Variants in WDR27 observed in about 807,000 individuals in gnomAD.
The protein encoded by WDR27 is WD repeat domain 27.
Under a neutral mutation model 114.4 loss-of-function variants are expected in WDR27, and 100 were observed. That is an observed-to-expected ratio of 0.87 (90% confidence interval 0.74 to 1.03). The LOEUF (loss-of-function observed/expected upper bound fraction) is 1.03, where lower values mean the gene tolerates loss of function less well. WDR27 is among the 50% of genes least tolerant of loss of function. The probability of loss-of-function intolerance (pLI) is 0.00; values close to 1 mark genes in which losing one functional copy is unlikely to be tolerated. For missense variants in WDR27, 1,129 were observed against 1,092.9 expected (o/e 1.03, Z -0.47); for synonymous variants, 449 against 423.1 (o/e 1.06, Z -0.75).
chr6:169,497,558 A>C (rs1276128919), intron 25 of WDR27, among the ~76,000 whole-genome samples: 1 of 41,818 alleles, frequency 2.4e-5, no homozygotes, highest in Non-Finnish European at 1.3e-4. Context: ...TAAAACTACA[A>C]AAAAAAAAAA....
chr6:169,650,631 ATC>A (rs542775935), intron 14 of WDR27, among the ~76,000 whole-genome samples: 133 of 118,498 alleles, frequency 1.1e-3, no homozygotes, highest in Non-Finnish European at 1.9e-3. Context: ...CCACTCATCC[ATC>A]TCTTATCCCT....
At chr6:169,484,994 TC>T (rs1788696868) in intron 25 of WDR27, among the ~76,000 whole-genome samples, 1 of 152,182 alleles carries the variant, frequency 6.6e-6, no homozygotes, top group African/African-American at 2.4e-5. Context: ...CCGGACCCCT[TC>T]CTTTAGCCAT....
intron 2 of WDR27, among the ~76,000 whole-genome samples, chr6:169,688,614 C>T (rs140632492): frequency 6.6e-5 from 10 of 151,968 alleles, no homozygotes; most frequent in African/African-American, 2.4e-4. Context: ...TTCCAAATCA[C>T]TTGTGTTCTA....
At chr6:169,549,905 G>A (rs1367951660) in intron 25 of WDR27, among the ~76,000 whole-genome samples, 2 of 152,208 alleles carry the variant, frequency 1.3e-5, no homozygotes, top group East Asian at 3.8e-4. Context: ...TCTTAAGGCA[G>A]TGGAACTACA....
intron 25 of WDR27, among the ~76,000 whole-genome samples, chr6:169,470,885 G>T (rs111301614): frequency 0.012 from 1,774 of 152,208 alleles, 39 homozygotes; most frequent in African/African-American, 0.041. Flanking sequence ...GTGGCATTCT[G>T]CTCTCATTCT....
At chr6:169,459,074 A>C (rs1447361361) in intron 25 of WDR27, among the ~76,000 whole-genome samples, 2 of 152,210 alleles carry the variant, frequency 1.3e-5, no homozygotes, top group Non-Finnish European at 2.9e-5. Context: ...AGAAATAGGA[A>C]AGTATGGCCT....
At chr6:169,583,852 G>C (rs576050866) in intron 23 of WDR27, among the ~76,000 whole-genome samples, 1 of 152,170 alleles carries the variant, frequency 6.6e-6, no homozygotes, top group East Asian at 1.9e-4. Flanking sequence ...GAAGATAATA[G>C]TACTAGTTAC....
At chr6:169,528,009 A>AC (rs759894581) in intron 25 of WDR27, among the ~76,000 whole-genome samples, 21 of 152,306 alleles carry the variant, frequency 1.4e-4, no homozygotes, top group Middle Eastern at 3.4e-3. Flanking sequence ...CTAACTGGGT[A>AC]CCTCACTAAT....
chr6:169,485,555 T>A (rs1788773064), intron 25 of WDR27, among the ~76,000 whole-genome samples: 1 of 152,210 alleles, frequency 6.6e-6, no homozygotes, highest in African/African-American at 2.4e-5. Context: ...TATACACTGT[T>A]GGTGGAAGTA....
chr6:169,630,893 C>G (rs913859339), intron 21 of WDR27, among the ~76,000 whole-genome samples: 2 of 28,462 alleles, frequency 7.0e-5, no homozygotes, highest in African/African-American at 3.2e-4. Context: ...GATTCCATCT[C>G]AAATCAATCA....
At chr6:169,427,087 C>G in the WDR27 span, 4 of 152,974 alleles carry the variant, frequency 2.6e-5, no homozygotes, top group African/African-American at 9.7e-5. Flanking sequence ...GGAAGAGCCC[C>G]TGTGGTCTCA....
At chr6:169,674,171 A>G (rs1460536119) in intron 2 of WDR27, among the ~76,000 whole-genome samples, 2 of 152,228 alleles carry the variant, frequency 1.3e-5, no homozygotes, top group Non-Finnish European at 2.9e-5. Flanking sequence ...CCAGCAATCT[A>G]AAAAACAACC....
At chr6:169,429,008 C>A in the WDR27 span, among the ~76,000 whole-genome samples, 1 of 152,150 alleles carries the variant, frequency 6.6e-6, no homozygotes, top group Admixed American at 6.5e-5. Flanking sequence ...ACAAAACTCC[C>A]AGGCAGAAAG....
chr6:169,696,191 G>C (rs1250222450), intron 1 of WDR27, among the ~76,000 whole-genome samples: 1 of 152,112 alleles, frequency 6.6e-6, no homozygotes, highest in Admixed American at 6.5e-5. Flanking sequence ...CCCTGCATAC[G>C]TCTACACAGT....
intron 20 of WDR27, 27 bp from the exon 21 acceptor site, chr6:169,633,095 T>C: frequency 6.4e-7 from 1 of 1,568,472 alleles, no homozygotes; most frequent in Non-Finnish European, 8.7e-7. Context: ...AGGGAGCTCT[T>C]CTCAACACTC....
rs568998028 is a variant in WDR27, at chr6:169,569,255, G to A, written c.2645+3164C>T. Among the ~76,000 whole-genome samples, 21 of 151,894 alleles carry A rather than the reference G, an allele frequency of 1.4e-4. 1 individual carries two copies. The highest frequency in any genetic ancestry group is 2.6e-4 in the Non-Finnish European group (18 of 67,996). Reference sequence around the variant, plus strand: ...AAATTCAATTCATTAAACACTTAACGTTTTAAAACCCTAGTCTCTAAGCCT... The same window carrying A: ...AAATTCAATTCATTAAACACTTAACATTTTAAAACCCTAGTCTCTAAGCCT... On this transcript the variant is annotated intron_variant, in intron 25 of 25. Coordinates refer to ENST00000448612, the MANE Select transcript of WDR27 (RefSeq NM_182552.5).
At chr6:169,471,319 C>T (rs1315014807) in intron 25 of WDR27, among the ~76,000 whole-genome samples, 1 of 152,080 alleles carries the variant, frequency 6.6e-6, no homozygotes, top group Non-Finnish European at 1.5e-5. Flanking sequence ...CATCATCTCC[C>T]ACAAGGCCTC....
rs572768888 is a variant in WDR27, at chr6:169,693,854, C to T, written c.-7-4842G>A. On this transcript the variant is annotated intron_variant, in intron 1 of 25. Coordinates refer to ENST00000448612, the MANE Select transcript of WDR27 (RefSeq NM_182552.5). ...TCCCAACTTCATAAAACAATTATGA[C>T]TAGACCTAAGAAATGACATAGCAAC... Among the ~76,000 whole-genome samples the T allele has an allele frequency of 1.2e-4, 18 of 152,222 alleles. No individual in the cohort carries two copies. In the South Asian group the frequency reaches 3.7e-3, roughly 32 times the overall value.
chr6:169,631,452 G>A (rs925250046), intron 21 of WDR27, among the ~76,000 whole-genome samples: 7 of 152,090 alleles, frequency 4.6e-5, no homozygotes, highest in African/African-American at 1.7e-4. Context: ...TAAAAGGAAG[G>A]CAAGATAAAG....
Sources: gnomAD v4.1 joint callset for allele counts (sites outside exome capture counted in the v4.1 genomes callset) on GRCh38, gnomAD v4.1.1 for gene constraint, MANE v1.5 for transcripts, NCBI Gene and HGNC (gene_info 2026-07-23, HGNC 2026-07-21) for gene names.